NEGR1: variants seen among roughly 807,000 people sequenced by gnomAD.
NEGR1 encodes the protein IgLON family member 4.
In NEGR1, 10 loss-of-function variants were observed where a neutral mutation model predicts 40.9. The observed-to-expected ratio is 0.24, with a 90% CI of 0.15 to 0.42. The LOEUF is 0.42. Among genes scored for constraint, NEGR1 ranks in the 10% least tolerant of loss-of-function variants. NEGR1 has a pLI of 1.00. For missense variants in NEGR1, 352 were observed against 438.9 expected, an observed-to-expected ratio of 0.80 and a Z score of 1.77; for synonymous variants, 185 against 166.8, an observed-to-expected ratio of 1.11 and a Z score of -0.84.
chr1:72,239,416 T>G (rs2100511635), intron 1 of NEGR1, among the ~76,000 whole-genome samples: 1 of 151,950 alleles, frequency 6.6e-6, no homozygotes, highest in Middle Eastern at 3.4e-3. Context: ...ATTTTACTTG[T>G]TTTGTTTGAA....
At chr1:72,222,807 G>A (rs1654056946) in intron 1 of NEGR1, among the ~76,000 whole-genome samples, 1 of 151,852 alleles carries the variant, frequency 6.6e-6, no homozygotes, top group South Asian at 2.1e-4. Context: ...CATGCTCTAA[G>A]AAACCATAAT....
At chr1:71,462,645 T>G (rs551227533) in intron 6 of NEGR1, among the ~76,000 whole-genome samples, 24 of 152,250 alleles carry the variant, frequency 1.6e-4, no homozygotes, top group African/African-American at 5.8e-4. Flanking sequence ...TAAGATGTGT[T>G]GAAAACAATA....
chr1:71,466,900 AG>A (rs1646749699), intron 6 of NEGR1, among the ~76,000 whole-genome samples: 1 of 152,246 alleles, frequency 6.6e-6, no homozygotes, highest in African/African-American at 2.4e-5. Context: ...AGTGGTCTAA[AG>A]ATTCAGAGAG....
At chr1:71,783,302 G>C (rs1656784724) in intron 2 of NEGR1, among the ~76,000 whole-genome samples, 1 of 152,118 alleles carries the variant, frequency 6.6e-6, no homozygotes, top group African/African-American at 2.4e-5. Flanking sequence ...CCCCCAAAAA[G>C]TGAAAGCAGA....
chr1:71,746,757 C>T lies in NEGR1; in HGVS notation c.535+29415G>A, dbSNP rs150465671. On this transcript the variant is annotated intron_variant, in intron 3 of 6. Transcript: ENST00000357731. The stretch of plus-strand genomic sequence containing the variant: ...ACACACACATGTACACACACACACG[C>T]GTACACACACACACGCACACACACA... Among the ~76,000 whole-genome samples the T allele has an allele frequency of 3.9e-3, 581 of 149,198 alleles. 4 individuals carry two copies. The highest frequency in any genetic ancestry group is 0.013 in the African/African-American group (516 of 39,734).
chr1:71,812,645 T>A (rs568757203), intron 2 of NEGR1, among the ~76,000 whole-genome samples: 1 of 152,178 alleles, frequency 6.6e-6, no homozygotes, highest in Non-Finnish European at 1.5e-5. Flanking sequence ...TTTCTAATGA[T>A]CTGTGATGTT....
chr1:71,550,732 T>G (rs748185076), intron 6 of NEGR1, among the ~76,000 whole-genome samples: 3 of 151,624 alleles, frequency 2.0e-5, no homozygotes, highest in Non-Finnish European at 4.4e-5. Flanking sequence ...TAGGATAAAC[T>G]GGACCACAAT....
At chr1:71,486,221 A>C (rs953218493) in intron 6 of NEGR1, among the ~76,000 whole-genome samples, 4 of 151,584 alleles carry the variant, frequency 2.6e-5, no homozygotes, top group African/African-American at 9.7e-5. Context: ...ATCTTTTCAC[A>C]TGATTATTTG....
At chr1:71,411,081 C>G (rs1000610213) in intron 6 of NEGR1, among the ~76,000 whole-genome samples, 7 of 152,136 alleles carry the variant, frequency 4.6e-5, no homozygotes, top group African/African-American at 1.7e-4. Flanking sequence ...ATCTTTGATA[C>G]TGAACATAGA....
chr1:71,629,639 G>A (rs1650907203), intron 4 of NEGR1, among the ~76,000 whole-genome samples: 1 of 151,858 alleles, frequency 6.6e-6, no homozygotes, highest in East Asian at 1.9e-4. Flanking sequence ...AAGAAATAAA[G>A]GTATTCAAAT....
intron 2 of NEGR1, among the ~76,000 whole-genome samples, chr1:71,849,245 T>C (rs963849804): frequency 6.6e-6 from 1 of 152,126 alleles, no homozygotes; most frequent in African/African-American, 2.4e-5. Flanking sequence ...TGAAAGAAGG[T>C]CAAAACATCA....
chr1:71,429,426 T>A (rs1457828471), intron 6 of NEGR1, among the ~76,000 whole-genome samples: 3 of 152,074 alleles, frequency 2.0e-5, no homozygotes, highest in Admixed American at 6.5e-5. Context: ...CACAGTAAAA[T>A]CCTTATTGAT....
At position 72,209,087 on chromosome 1, in the gene NEGR1, G is replaced by GT. The variant is rs796407492; in HGVS notation, c.176+73231dup. 1.1e-3 allele frequency among the ~76,000 whole-genome samples: 162 copies of GT among 151,688 alleles called. 1 individual carries two copies. Among genetic ancestry groups the GT allele is most frequent in the African/African-American group, 3.6e-3 (150 of 41,500 alleles). On this transcript the variant is annotated intron_variant, in intron 1 of 6. Transcript: ENST00000357731. ...GAAGTAACTGGACACTTTCAGGCAA[G>GT]TATGTGGAGATACTCCTTTTCAACA...
intron 6 of NEGR1, among the ~76,000 whole-genome samples, chr1:71,426,797 C>A (rs1194001260): frequency 6.6e-6 from 1 of 152,056 alleles, no homozygotes; most frequent in African/African-American, 2.4e-5. Flanking sequence ...GCTAACAAAT[C>A]AACAATTATG....
chr1:71,953,541 A>G (rs1646091319), intron 1 of NEGR1, among the ~76,000 whole-genome samples: 2 of 152,130 alleles, frequency 1.3e-5, no homozygotes, highest in Non-Finnish European at 2.9e-5. Flanking sequence ...TAAAACAACA[A>G]CAGGATTTGA....
At chr1:72,168,115 G>A (rs1651832486) in intron 1 of NEGR1, among the ~76,000 whole-genome samples, 1 of 151,610 alleles carries the variant, frequency 6.6e-6, no homozygotes, top group Admixed American at 6.6e-5. Context: ...AAGGGTTCAA[G>A]TGATTCTCCT....
intron 4 of NEGR1, among the ~76,000 whole-genome samples, chr1:71,671,824 C>T (rs1162620285): frequency 2.0e-5 from 3 of 151,958 alleles, no homozygotes; most frequent in Non-Finnish European, 4.4e-5. Context: ...TATTTAACTA[C>T]TCTCACTGGA....
intron 6 of NEGR1, among the ~76,000 whole-genome samples, chr1:71,524,322 GT>G (rs1190154155): frequency 1.0e-4 from 15 of 144,904 alleles, no homozygotes; most frequent in Non-Finnish European, 2.1e-4. Flanking sequence ...AGGAGTGTGT[GT>G]GTGTGTGTGT....
intron 2 of NEGR1, among the ~76,000 whole-genome samples, chr1:71,788,190 G>T (rs954690244): frequency 6.6e-6 from 1 of 151,674 alleles, no homozygotes; most frequent in Non-Finnish European, 1.5e-5. Context: ...ACAAACAAAG[G>T]TTATCATGCA....
Sources: gnomAD v4.1 joint callset for allele counts (sites outside exome capture counted in the v4.1 genomes callset) on GRCh38, gnomAD v4.1.1 for gene constraint, MANE v1.5 for transcripts, NCBI Gene and HGNC (gene_info 2026-07-23, HGNC 2026-07-21) for gene names.